The following PREX2 variants were observed in gnomAD, a reference collection of about 807,000 sequenced individuals.
The protein encoded by PREX2 is phosphatidylinositol-3,4,5-trisphosphate dependent Rac exchange factor 2, also known as phosphatidylinositol 3,4,5-trisphosphate-dependent Rac exchanger 2 protein.
A neutral mutation model predicts 203.2 loss-of-function variants in PREX2; 107 were observed. That is an observed-to-expected ratio of 0.53 (90% confidence interval 0.45 to 0.62). The LOEUF is 0.62. PREX2 is among the 20% of genes least tolerant of loss of function. The pLI is 0.00. For missense variants in PREX2, 1,777 were observed against 1,955.9 expected, an observed-to-expected ratio of 0.91 and a Z score of 1.72; for synonymous variants, 672 against 663.6, an observed-to-expected ratio of 1.01 and a Z score of -0.19.
At position 68,146,281 on chromosome 8, in the gene PREX2, A is replaced by G. The variant is rs61756278; in HGVS notation, c.4160A>G (p.His1387Arg). 6.2e-7 allele frequency: 1 copy of G among 1,612,776 alleles called. No individual in the cohort carries two copies. Among genetic ancestry groups the G allele is most frequent in the South Asian group, 1.1e-5 (1 of 91,012 alleles). The part of the protein sequence containing the change: ...LKVYFYIDSY[H>R]FEQLPQRLKN... ...GTTTACTTCTACATTGATAGTTATC[A>G]TTTTGAACAACTTCCTCAACGGCTG... Residue 1387 changes from histidine to arginine, a missense_variant, in exon 34 of 40, where the codon CAT (histidine) becomes CGT (arginine). By Grantham distance (29) the His-to-Arg change is conservative. Transcript: ENST00000288368.
chr8:68,051,159 C>T (rs962464823), intron 8 of PREX2, among the ~76,000 whole-genome samples: 6 of 152,008 alleles, frequency 3.9e-5, no homozygotes, highest in African/African-American at 1.5e-4. Context: ...AGATGGCTGG[C>T]CCCGGGGTAC....
At chr8:68,050,619 C>G (rs1193129832) in intron 8 of PREX2, among the ~76,000 whole-genome samples, 7 of 152,166 alleles carry the variant, frequency 4.6e-5, no homozygotes, top group Non-Finnish European at 8.8e-5. Context: ...GTAGATTTGA[C>G]AGTCAGCTAA....
At chr8:68,203,782 G>A (rs1213410568) in intron 37 of PREX2, among the ~76,000 whole-genome samples, 1 of 152,164 alleles carries the variant, frequency 6.6e-6, no homozygotes, top group Non-Finnish European at 1.5e-5. Context: ...CCACTCAAAG[G>A]TGTCAAATGC....
chr8:68,025,443 T>C (rs893800484), intron 4 of PREX2, among the ~76,000 whole-genome samples: 1 of 152,056 alleles, frequency 6.6e-6, no homozygotes, highest in South Asian at 2.1e-4. Flanking sequence ...ATTTTCTCTT[T>C]GTGTTTTTCT....
chr8:67,952,250 C>T lies in PREX2; in HGVS notation c.-145C>T. 1 of 631,970 alleles carries T rather than the reference C, an allele frequency of 1.6e-6. No homozygotes were observed. Among genetic ancestry groups the T allele is most frequent in the Non-Finnish European group, 2.3e-6 (1 of 438,850 alleles). The allele number at this position is 631,970 out of a possible 1,614,324, so 39.1% of individuals were successfully genotyped here. A position where few individuals can be genotyped will look rare whatever the true frequency, so the allele number is the denominator to read the frequency against. ...CTCCTCTCCCTGCGCCCAGCCTCTC[C>T]CCAGCATGTAAAGTCTTCTGTCTCT... On this transcript the variant is annotated 5_prime_UTR_variant, in exon 1 of 40. Coordinates refer to ENST00000288368, the MANE Select transcript of PREX2 (RefSeq NM_024870.4).
intron 14 of PREX2, among the ~76,000 whole-genome samples, chr8:68,074,787 T>C (rs921090786): frequency 6.6e-6 from 1 of 152,170 alleles, no homozygotes; most frequent in African/African-American, 2.4e-5. Flanking sequence ...ATTTGGACGG[T>C]TTTAGAACAC....
intron 15 of PREX2, among the ~76,000 whole-genome samples, chr8:68,079,838 C>T (rs1809459283): frequency 6.6e-6 from 1 of 151,984 alleles, no homozygotes; most frequent in Non-Finnish European, 1.5e-5. Context: ...AAGAAACAGA[C>T]CTTTCTAGAA....
chr8:67,986,816 A>G (rs1485071061), intron 1 of PREX2, among the ~76,000 whole-genome samples: 1 of 152,104 alleles, frequency 6.6e-6, no homozygotes, highest in Non-Finnish European at 1.5e-5. Context: ...AATAGAGATA[A>G]TGTCTTGTGT....
intron 8 of PREX2, among the ~76,000 whole-genome samples, chr8:68,049,211 A>G (rs1808450843): frequency 6.9e-6 from 1 of 144,626 alleles, no homozygotes; most frequent in Admixed American, 7.1e-5. Flanking sequence ...TCAAAGATTT[A>G]TTCAAAAAAT....
chr8:68,038,299 T>G lies in PREX2; in HGVS notation c.839+7T>G. The G allele has an allele frequency of 6.2e-7, 1 of 1,613,496 alleles. No individual in the cohort carries two copies. The highest frequency in any genetic ancestry group is 8.5e-7 in the Non-Finnish European group (1 of 1,179,728). On this transcript the variant is annotated splice_region_variant and intron_variant, in intron 7 of 39. Coordinates refer to ENST00000288368, the MANE Select transcript of PREX2 (RefSeq NM_024870.4). ...ACTGCAAAAGAAAACACAGGTAAGA[T>G]CCTAAGCAGGACACACTTCAGAAGT...
chr8:68,075,987 A>G (rs1809336489), intron 14 of PREX2, among the ~76,000 whole-genome samples: 1 of 152,200 alleles, frequency 6.6e-6, no homozygotes, highest in South Asian at 2.1e-4. Context: ...AGGCAACAGC[A>G]GGGAGGCCAA....
At chr8:68,188,997 G>A (rs1812244200) in intron 35 of PREX2, among the ~76,000 whole-genome samples, 1 of 152,152 alleles carries the variant, frequency 6.6e-6, no homozygotes, top group Admixed American at 6.5e-5. Flanking sequence ...AGCTACTAGA[G>A]GATTTGCATT....
intron 26 of PREX2, among the ~76,000 whole-genome samples, chr8:68,118,107 G>A (rs1334785072): frequency 6.6e-6 from 1 of 152,176 alleles, no homozygotes; most frequent in Non-Finnish European, 1.5e-5. Context: ...TGTAATCCCA[G>A]CACTTTGGGA....
chr8:68,103,125 A>C, intron 23 of PREX2: 1 of 380,662 alleles, frequency 2.6e-6, no homozygotes, highest in Non-Finnish European at 5.2e-6. Flanking sequence ...CAAAAATATT[A>C]CCTGCAGGAA....
intron 39 of PREX2, among the ~76,000 whole-genome samples, chr8:68,230,715 A>C (rs889828760): frequency 2.6e-5 from 4 of 152,162 alleles, no homozygotes; most frequent in African/African-American, 9.7e-5. Context: ...TCCATGGTTT[A>C]AGTGGATCCT....
intron 1 of PREX2, among the ~76,000 whole-genome samples, chr8:67,985,556 G>A (rs139884048): frequency 0.012 from 1,851 of 152,164 alleles, 44 homozygotes; most frequent in Non-Finnish European, 0.012. Context: ...ATGATTTACC[G>A]TGCACTTAAT....
intron 17 of PREX2, 103 bp from the exon 18 acceptor site, chr8:68,083,137 A>G: frequency 2.6e-6 from 2 of 763,100 alleles, no homozygotes. Flanking sequence ...TTAAAATGTC[A>G]ATATCTATAA....
intron 6 of PREX2, among the ~76,000 whole-genome samples, chr8:68,037,663 C>T (rs1808072563): frequency 6.6e-6 from 1 of 152,152 alleles, no homozygotes; most frequent in African/African-American, 2.4e-5. Context: ...GAAAGTTGCT[C>T]CCTTTAAATA....
Position 68,223,710 on chromosome 8 carries a change from A to G in PREX2, c.4708-849A>G, listed in dbSNP as rs906430030. Among the ~76,000 whole-genome samples the G allele has an allele frequency of 5.9e-5, 9 of 152,316 alleles. No homozygotes were observed. The South Asian group carries it at 1.9e-3, about 32-fold the overall frequency. ...AACTAAAGTGATTATAACTTCATTC[A>G]TGAACTTGACAGACTGTGAAGAATT... On this transcript the variant is annotated intron_variant, in intron 38 of 39. Coordinates refer to ENST00000288368, the MANE Select transcript of PREX2 (RefSeq NM_024870.4).
Sources: allele counts gnomAD v4.1 joint callset (sites outside exome capture counted in the v4.1 genomes callset), GRCh38; gene constraint gnomAD v4.1.1; transcripts MANE v1.5; gene names NCBI Gene and HGNC (gene_info 2026-07-23, HGNC 2026-07-21).